LHX3: variants seen among roughly 807,000 people sequenced by gnomAD.
LHX3 encodes the protein LIM/homeobox protein Lhx3.
A neutral mutation model predicts 32.4 loss-of-function variants in LHX3; 21 were observed. The ratio of observed to expected loss-of-function variants is 0.65; its 90% confidence interval spans 0.46 to 0.93. The LOEUF (loss-of-function observed/expected upper bound fraction) is 0.93. Ranked by LOEUF, LHX3 falls within the 40% of genes least tolerant of loss-of-function variation. The pLI is 0.00. For missense variants in LHX3, 626 were observed against 560.0 expected, an observed-to-expected ratio of 1.12 and a Z score of -1.19; for synonymous variants, 258 against 246.8, an observed-to-expected ratio of 1.05 and a Z score of -0.43.
chr9:136,200,015 G>C, intron 2 of LHX3, 135 bp from the exon 3 acceptor site: 3 of 901,518 alleles, frequency 3.3e-6, no homozygotes, highest in Non-Finnish European at 5.2e-6. Flanking sequence ...CAGGGTGGTC[G>C]CCAGCCTGGC....
chr9:136,201,735 T>A (rs1831644037), intron 1 of LHX3: 2 of 979,566 alleles, frequency 2.0e-6, no homozygotes, highest in Non-Finnish European at 2.4e-6. Flanking sequence ...GGGCTGCGCC[T>A]CCCCACGCAG....
rs569254423 is a variant in LHX3, at chr9:136,200,573, G to A, written c.251+9C>T. On this transcript the variant is annotated intron_variant, in intron 2 of 5. Coordinates refer to ENST00000371748, the MANE Select transcript of LHX3 (RefSeq NM_178138.6). ...CGCTCCCACACTGAGGTGAGGTTTC[G>A]GGGCTCACTTGAAAAAGTCGTCCTT... The A allele has an allele frequency of 8.6e-5, 139 of 1,612,928 alleles. No homozygotes were observed. Among genetic ancestry groups the A allele is most frequent in the South Asian group, 1.9e-4 (17 of 91,020 alleles).
At chr9:136,200,058 A>G (rs1380953959) in intron 2 of LHX3, 178 bp from the exon 3 acceptor site, 2 of 710,672 alleles carry the variant, frequency 2.8e-6, no homozygotes, top group Non-Finnish European at 5.0e-6. Flanking sequence ...CCCACTGAGA[A>G]GGGAACCTCA....
At chr9:136,201,791 C>T in intron 1 of LHX3, 1 of 800,698 alleles carries the variant, frequency 1.2e-6, no homozygotes, top group Non-Finnish European at 1.5e-6. Flanking sequence ...GGCAAAACCG[C>T]AGCTCCGGGT....
At position 136,197,165 on chromosome 9, in the gene LHX3, C is replaced by G; in HGVS notation, c.*160G>C. On this transcript the variant is annotated 3_prime_UTR_variant, in exon 6 of 6. Coordinates refer to ENST00000371748, the MANE Select transcript of LHX3 (RefSeq NM_178138.6). Reference sequence around the variant, plus strand: ...AGGAGGGGCCAGGTGGGTCCCTCAGCCCCCAGAGAGGGAGCTGTGCGGTCG... The same window carrying G: ...AGGAGGGGCCAGGTGGGTCCCTCAGGCCCCAGAGAGGGAGCTGTGCGGTCG... The G allele has an allele frequency of 1.3e-6, 1 of 768,364 alleles. No individual in the cohort carries two copies. Among genetic ancestry groups the G allele is most frequent in the Admixed American group, 2.3e-5 (1 of 43,278 alleles). The allele number at this position is 768,364 out of a possible 1,614,324, so 47.6% of individuals were successfully genotyped here.
rs757086872 is a variant in LHX3 at position 136,198,795 on chromosome 9, T to A, written c.632A>T (p.Lys211Met). The change falls in exon 5 of 6, where the codon AAG (lysine) becomes ATG (methionine). Residue 211 changes from lysine to methionine, a missense_variant. Coordinates refer to ENST00000371748, the MANE Select transcript of LHX3 (RefSeq NM_178138.6). ...VQVWFQNRRA[K>M]EKRLKKDAGR... ...GGCGTCCTTCTTCAGCCTCTTCTCC[T>A]TGGCCCGGCGGTTCTGGAACCAAAC... is the stretch of plus-strand genomic sequence containing the variant. 3.7e-6 allele frequency: 6 copies of A among 1,609,730 alleles called. No individual in the cohort carries two copies. In the East Asian group the frequency reaches 1.3e-4, roughly 36 times the overall value.
chr9:136,201,248 C>T (rs912083890), intron 1 of LHX3: 3 of 1,287,680 alleles, frequency 2.3e-6, no homozygotes, highest in Non-Finnish European at 2.9e-6. Context: ...AATGTGGCTG[C>T]CCTGCCTGGT....
At chr9:136,202,102 G>T (rs1291074586) in intron 1 of LHX3, among the ~76,000 whole-genome samples, 3 of 152,078 alleles carry the variant, frequency 2.0e-5, no homozygotes, top group African/African-American at 7.2e-5. Context: ...CAGCCCGCCC[G>T]CTCCGGCCAG....
At position 136,197,614 on chromosome 9, in the gene LHX3, C is replaced by T; in HGVS notation, c.905G>A (p.Gly302Asp). ...ACGCAGCTCTCGGTACTGCTCTGGG[C>T]CTGCCAGGCCTCCATGCTCCAGGGA... Reference protein sequence around the residue: ...NFSLEHGGLAGPEQYRELRPG... With the variant: ...NFSLEHGGLADPEQYRELRPG... The change falls in exon 6 of 6, where the codon GGC becomes GAC. Residue 302 changes from glycine (G) to aspartate (D), a missense_variant. By Grantham distance (94) the Gly-to-Asp change is moderately conservative. Transcript: ENST00000371748. 1 of 1,564,388 alleles carries T rather than the reference C, an allele frequency of 6.4e-7. No individual in the cohort carries two copies. The highest frequency in any genetic ancestry group is 8.6e-7 in the Non-Finnish European group (1 of 1,156,076).
chr9:136,203,179 C>T (rs1254707464), intron 1 of LHX3: 13 of 1,233,782 alleles, frequency 1.1e-5, no homozygotes, highest in South Asian at 2.4e-5. Context: ...GCCCTGGGGC[C>T]CGGAGCCTCT....
At chr9:136,198,881 G>A (rs1311142725) in intron 4 of LHX3, 27 bp downstream of exon 4, 2 of 1,591,270 alleles carry the variant, frequency 1.3e-6, no homozygotes, top group Admixed American at 1.7e-5. Flanking sequence ...GGCCGCGGGC[G>A]GGAGGGAAGC....
Position 136,199,014 on chromosome 9 carries a change from T to G in LHX3, c.500A>C (p.Lys167Thr). 6.3e-7 allele frequency: 1 copy of G among 1,588,672 alleles called. No individual in the cohort carries two copies. The change falls in exon 4 of 6, where the codon AAG (lysine) becomes ACG (threonine). Residue 167 changes from lysine to threonine, a missense_variant. By Grantham distance (78) the Lys-to-Thr change is moderately conservative. Transcript: ENST00000371748. ...AKRPRTTITA[K>T]QLETLKSAYN... ...AGCGCTCTTCAGCGTCTCCAGCTGCTTGGCGGTGATGGTCGTGCGCGGCCG... is the reference window on the plus strand; with the variant it reads ...AGCGCTCTTCAGCGTCTCCAGCTGCGTGGCGGTGATGGTCGTGCGCGGCCG...
In LHX3 at chr9:136,198,837, G is replaced by A. The variant is rs778215742; in HGVS notation, c.607-17C>T. ...GAACCAAACCTGGGGGCGGGGCGGG[G>A]TGAGCGGCCGCCCGGCTCTGCGGGG... is the stretch of plus-strand genomic sequence containing the variant. On this transcript the variant is annotated splice_polypyrimidine_tract_variant and intron_variant, in intron 4 of 5. Coordinates refer to ENST00000371748, the MANE Select transcript of LHX3 (RefSeq NM_178138.6). The A allele has an allele frequency of 1.3e-5, 21 of 1,600,710 alleles. No individual in the cohort carries two copies. Among genetic ancestry groups the A allele is most frequent in the Non-Finnish European group, 1.8e-5 (21 of 1,176,148 alleles).
chr9:136,201,284 A>G, intron 1 of LHX3: 1 of 1,268,644 alleles, frequency 7.9e-7, no homozygotes, highest in East Asian at 2.9e-5. Context: ...CCTCCGGGGT[A>G]AATATCAATG....
chr9:136,199,699 A>G lies in LHX3; in HGVS notation c.433T>C (p.Tyr145His). ...EDSRLVCKAD[Y>H]ETAKQREAEA... ...TGACCTCGCTGCTTGGCGGTTTCGT[A>G]GTCCGCCTTGCACACGAGCCGGCTG... Residue 145 changes from tyrosine to histidine, a missense_variant, in exon 3 of 6, where the codon TAC (tyrosine) becomes CAC (histidine). Transcript: ENST00000371748. 1 of 1,612,876 alleles carries G rather than the reference A, an allele frequency of 6.2e-7. No individual in the cohort carries two copies. The highest frequency in any genetic ancestry group is 8.5e-7 in the Non-Finnish European group (1 of 1,179,854).
intron 2 of LHX3, chr9:136,200,208 G>A (rs770383879): frequency 1.8e-6 from 1 of 560,592 alleles, no homozygotes; most frequent in Non-Finnish European, 3.2e-6. Flanking sequence ...AGGCCACTGG[G>A]CCAGAGCCGC....
At position 136,197,753 on chromosome 9, in the gene LHX3, A is replaced by C. The variant is rs754453297; in HGVS notation, c.776-10T>G. On this transcript the variant is annotated splice_polypyrimidine_tract_variant and intron_variant, in intron 5 of 5. Coordinates refer to ENST00000371748, the MANE Select transcript of LHX3 (RefSeq NM_178138.6). The stretch of plus-strand genomic sequence containing the variant: ...GCCAAGGAAGGCTCATCTGCAACAG[A>C]AGCAGAGGCTCAGTCAGCGCCTGCC... The C allele has an allele frequency of 3.1e-6, 5 of 1,599,662 alleles. No individual in the cohort carries two copies. The highest frequency in any genetic ancestry group is 1.3e-5 in the African/African-American group (1 of 74,914).
intron 1 of LHX3, chr9:136,201,037 T>C (rs1831629057): frequency 9.7e-7 from 1 of 1,032,596 alleles, no homozygotes; most frequent in Non-Finnish European, 1.4e-6. Context: ...CGAGGCTGAA[T>C]ACTCAATTAC....
At chr9:136,201,027 C>G (rs527572708) in intron 1 of LHX3, 1 of 990,574 alleles carries the variant, frequency 1.0e-6, no homozygotes, top group Middle Eastern at 3.3e-4. Context: ...GGCCATTTCA[C>G]GAGGCTGAAT....
Sources: gnomAD v4.1 joint callset for allele counts (sites outside exome capture counted in the v4.1 genomes callset) on GRCh38, gnomAD v4.1.1 for gene constraint, MANE v1.5 for transcripts, NCBI Gene and HGNC (gene_info 2026-07-23, HGNC 2026-07-21) for gene names.